The following HPS1 variants were observed in gnomAD, a reference collection of about 807,000 sequenced individuals.
HPS1 encodes HPS1 biogenesis of lysosomal organelles complex 3 subunit 1, also known as BLOC-3 complex member HPS1.
In HPS1, 59 loss-of-function variants were observed where a neutral mutation model predicts 90.6. That is an observed-to-expected ratio of 0.65 (90% CI 0.53 to 0.81). The LOEUF (loss-of-function observed/expected upper bound fraction) is 0.81. Among genes scored for constraint, HPS1 ranks in the 30% least tolerant of loss-of-function variants. The probability of loss-of-function intolerance (pLI) is 0.00; values close to 1 mark genes in which losing one functional copy is unlikely to be tolerated. For missense variants in HPS1, 849 were observed against 896.7 expected, an observed-to-expected ratio of 0.95 and a Z score of 0.68; for synonymous variants, 388 against 384.4, an observed-to-expected ratio of 1.01 and a Z score of -0.11.
chr10:98,427,228 A>G lies in HPS1; in HGVS notation c.974T>C (p.Met325Thr). 1.3e-6 allele frequency: 2 copies of G among 1,551,192 alleles called. No individual in the cohort carries two copies. The highest frequency in any genetic ancestry group is 1.7e-6 in the Non-Finnish European group (2 of 1,146,602). ...TIWLEGGTPP[M>T]DALQIAEDTL... is the part of the protein sequence containing the mutation. ...GGAGAAACTCACCTGAAGGGCATCC[A>G]TGGGGGGGGTGCCCCCCTCCAGCCA... Residue 325 changes from methionine (M) to threonine (T), a missense_variant, in exon 11 of 20, where the codon ATG (methionine) becomes ACG (threonine). Transcript: ENST00000361490.
At chr10:98,414,062 CAT>C (rs200311255), downstream of HPS1, 2 of 151,912 alleles carry the variant, frequency 1.3e-5, no homozygotes, top group South Asian at 2.1e-4. Context: ...AACACATATA[CAT>C]ATATATACAC....
At chr10:98,432,957 G>C (rs549658501) in intron 6 of HPS1, among the ~76,000 whole-genome samples, 2 of 152,086 alleles carry the variant, frequency 1.3e-5, no homozygotes, top group African/African-American at 2.4e-5. Context: ...TTCTAGGGCC[G>C]GGCACTGTGG....
At chr10:98,414,801 C>T, downstream of HPS1, 1 of 654,676 alleles carries the variant, frequency 1.5e-6, no homozygotes, top group South Asian at 2.6e-5. Context: ...CCAGGCCACA[C>T]AGCAGAGCCA....
intron 19 of HPS1, 118 bp downstream of exon 19, chr10:98,418,057 C>A (rs1052202074): frequency 4.1e-6 from 3 of 727,066 alleles, no homozygotes; most frequent in East Asian, 2.5e-5. Context: ...GTGTTCCCAG[C>A]GTGGATTTCT....
chr10:98,427,232 G>C lies in HPS1; in HGVS notation c.970C>G (p.Pro324Ala), dbSNP rs1055799878. The C allele has an allele frequency of 3.0e-5, 47 of 1,551,280 alleles. No homozygotes were observed. The highest frequency in any genetic ancestry group is 1.2e-4 in the African/African-American group (9 of 73,162). The change falls in exon 11 of 20, where the codon CCC (proline) becomes GCC (alanine). Residue 324 changes from proline to alanine, a missense_variant. Transcript: ENST00000361490. ...STIWLEGGTP[P>A]MDALQIAEDT... The stretch of plus-strand genomic sequence containing the variant: ...AAACTCACCTGAAGGGCATCCATGG[G>C]GGGGGTGCCCCCCTCCAGCCAGATG...
chr10:98,439,874 C>A (rs1048712465), intron 3 of HPS1, among the ~76,000 whole-genome samples: 1 of 152,066 alleles, frequency 6.6e-6, no homozygotes, highest in African/African-American at 2.4e-5. Flanking sequence ...ACGGAGAAAC[C>A]AGGTGGAGGT....
chr10:98,421,756 C>G (rs1844878147), intron 17 of HPS1, among the ~76,000 whole-genome samples: 1 of 152,192 alleles, frequency 6.6e-6, no homozygotes, highest in African/African-American at 2.4e-5. Context: ...CTCATGTACT[C>G]TTCATAACTC....
At chr10:98,443,873 A>G (rs912287833) in intron 2 of HPS1, among the ~76,000 whole-genome samples, 8 of 152,124 alleles carry the variant, frequency 5.3e-5, no homozygotes, top group African/African-American at 1.9e-4. Context: ...TCTCTACTAA[A>G]AATACAAAAA....
rs759073147 is a variant in HPS1 at position 98,417,637 on chromosome 10, G to C, written c.2030C>G (p.Thr677Ser). Residue 677 changes from threonine to serine, a missense_variant, in exon 20 of 20, where the codon ACT becomes AGT. By Grantham distance (58) the Thr-to-Ser change is moderately conservative. Coordinates refer to ENST00000361490, the MANE Select transcript of HPS1 (RefSeq NM_000195.5). This position sits in a 1 kb window ranked among gnomAD's most constrained non-coding sequence, Gnocchi z 4.2. Reference protein sequence around the residue: ...LLALHLSVIPTDLLVQQAGQL... With the variant: ...LLALHLSVIPSDLLVQQAGQL... ...GCCGGCCTGCTGCACCAGCAGGTCAGTGGGGATGACAGACAGGTGCAGGGC... is the reference window on the plus strand; with the variant it reads ...GCCGGCCTGCTGCACCAGCAGGTCACTGGGGATGACAGACAGGTGCAGGGC... The C allele has an allele frequency of 9.9e-6, 16 of 1,613,702 alleles. No individual in the cohort carries two copies. Among genetic ancestry groups the C allele is most frequent in the Non-Finnish European group, 1.4e-5 (16 of 1,179,954 alleles).
intron 3 of HPS1, among the ~76,000 whole-genome samples, chr10:98,440,789 T>A (rs1938283514): frequency 6.6e-6 from 1 of 151,794 alleles, no homozygotes; most frequent in Admixed American, 6.6e-5. Flanking sequence ...GAACTGAAAA[T>A]TCAGGAGTTC....
downstream of HPS1, chr10:98,414,827 G>A (rs936193565): frequency 9.7e-5 from 84 of 866,010 alleles, no homozygotes; most frequent in Non-Finnish European, 1.3e-4. Flanking sequence ...GGAATCCCAG[G>A]TGCCTGCCTG....
chr10:98,442,154 C>T (rs35648134), intron 3 of HPS1, among the ~76,000 whole-genome samples: 20,299 of 152,168 alleles, frequency 0.13, 1,867 homozygotes, highest in African/African-American at 0.26. Flanking sequence ...AAGGAATGAA[C>T]GATTGATACA....
intron 16 of HPS1, 53 bp from the exon 17 acceptor site, chr10:98,422,566 T>C: frequency 6.3e-7 from 1 of 1,585,280 alleles, no homozygotes; most frequent in South Asian, 1.1e-5. Context: ...ACGGCCTGCC[T>C]CTGTCCTGGG....
At position 98,434,927 on chromosome 10, in the gene HPS1, G is replaced by T. The variant is rs200878613; in HGVS notation, c.398+345C>A. Among the ~76,000 whole-genome samples the T allele has an allele frequency of 1.7e-4, 26 of 152,244 alleles. No individual in the cohort carries two copies. The East Asian group carries it at 5.0e-3, about 29-fold the overall frequency. On this transcript the variant is annotated intron_variant, in intron 5 of 19. Transcript: ENST00000361490. ...AGTCTGAAGCTTGAGAAGCCAGAGAGGACTAGCTCAGACCAGATTTGTAAT... is the reference window on the plus strand; with the variant it reads ...AGTCTGAAGCTTGAGAAGCCAGAGATGACTAGCTCAGACCAGATTTGTAAT...
rs1845493206 is a variant in HPS1, at chr10:98,425,580, C to T, written c.1296G>A (p.Met432Ile). ...CCCCTCGATTCTTGACAAACTTGTC[C>T]ATCCTCTGGCGCAGGTCTCCCACGA... ...QPLVGDLRQR[M>I]DKFVKNRGAQ... The change falls in exon 13 of 20, where the codon ATG becomes ATA. Residue 432 changes from methionine to isoleucine, a missense_variant. Transcript: ENST00000361490. 4 of 1,613,554 alleles carry T rather than the reference C, an allele frequency of 2.5e-6. No homozygotes were observed. In the East Asian group the frequency reaches 8.9e-5, roughly 36 times the overall value.
In HPS1 at chr10:98,434,009, C is replaced by T. The variant is rs369399800; in HGVS notation, c.481G>A (p.Glu161Lys). 2.6e-6 allele frequency: 4 copies of T among 1,558,908 alleles called. No homozygotes were observed. In the African/African-American group the frequency reaches 5.4e-5, roughly 21 times the overall value. The change falls in exon 6 of 20, where the codon GAG (glutamate) becomes AAG (lysine). Residue 161 changes from glutamate to lysine, a missense_variant. By Grantham distance (56) the Glu-to-Lys change is moderately conservative. Transcript: ENST00000361490. ...TCCACGGCGAAGCACTGCTCCTGCTCCCGCAGGCGGCTGTAGGTCCACAGC... is the reference window on the plus strand; with the variant it reads ...TCCACGGCGAAGCACTGCTCCTGCTTCCGCAGGCGGCTGTAGGTCCACAGC... ...SLLWTYSRLR[E>K]QEQCFAVEAL...
intron 7 of HPS1, 142 bp downstream of exon 7, chr10:98,430,989 G>T: frequency 1.2e-6 from 1 of 858,656 alleles, no homozygotes. Flanking sequence ...GAAAAAGGTT[G>T]GAGAATCAAA....
chr10:98,419,245 T>A (rs1296445974), intron 18 of HPS1, among the ~76,000 whole-genome samples: 2 of 151,784 alleles, frequency 1.3e-5, no homozygotes, highest in African/African-American at 4.8e-5. Context: ...GGCACAGGAG[T>A]GCAGGGACCC....
chr10:98,427,229 T>TGG lies in HPS1; in HGVS notation c.971_972dup (p.Met325ProfsTer7). 6.5e-7 allele frequency: 1 copy of TGG among 1,537,508 alleles called. No individual in the cohort carries two copies. Among genetic ancestry groups the TGG allele is most frequent in the Non-Finnish European group, 8.8e-7 (1 of 1,136,634 alleles). On this transcript the variant is annotated frameshift_variant, in exon 11 of 20. Coordinates refer to ENST00000361490, the MANE Select transcript of HPS1 (RefSeq NM_000195.5). LOFTEE classifies it high-confidence loss of function. Reference sequence around the variant, plus strand: ...GAGAAACTCACCTGAAGGGCATCCATGGGGGGGGTGCCCCCCTCCAGCCAG... The same window carrying TGG: ...GAGAAACTCACCTGAAGGGCATCCATGGGGGGGGGGTGCCCCCCTCCAGCCAG...
Sources: allele counts gnomAD v4.1 joint callset (sites outside exome capture counted in the v4.1 genomes callset), GRCh38; gene constraint gnomAD v4.1.1; non-coding constraint Gnocchi (gnomAD v3.1); transcripts MANE v1.5; gene names NCBI Gene and HGNC (gene_info 2026-07-23, HGNC 2026-07-21).